Variants in LAMA2 observed in about 807,000 individuals in gnomAD.
The protein encoded by LAMA2 is laminin subunit alpha 2.
LAMA2 carries 269 observed loss-of-function variants against 364.8 expected under a neutral mutation model. The observed-to-expected ratio is 0.74, with a 90% CI of 0.67 to 0.82. The LOEUF (loss-of-function observed/expected upper bound fraction) is 0.82, where lower values mean the gene tolerates loss of function less well. Ranked by LOEUF, LAMA2 falls within the 40% of genes least tolerant of loss-of-function variation. The pLI is 0.00. For synonymous variants in LAMA2, 1,379 were observed against 1,370.6 expected (o/e 1.01, Z -0.14); for missense variants, 3,807 against 3,873.2 (o/e 0.98, Z 0.45).
Position 129,074,381 on chromosome 6 carries a change from G to A in LAMA2, c.396+14485G>A, listed in dbSNP as rs558759941. On this transcript the variant is annotated intron_variant, in intron 3 of 64. Coordinates refer to ENST00000421865, the MANE Select transcript of LAMA2 (RefSeq NM_000426.4). ...TGACTTCATAGCCCTGAATTCTAAT[G>A]TTTATCTTCTTATCCTGTGAGATTG... Among the ~76,000 whole-genome samples the A allele has an allele frequency of 2.6e-5, 4 of 152,280 alleles. No individual in the cohort carries two copies. In the South Asian group the frequency reaches 6.2e-4, roughly 24 times the overall value.
At chr6:129,015,798 G>C (rs1163725603) in intron 1 of LAMA2, among the ~76,000 whole-genome samples, 2 of 151,906 alleles carry the variant, frequency 1.3e-5, no homozygotes, top group African/African-American at 4.8e-5. Flanking sequence ...TTGCAAATGC[G>C]TGCATTTAAA....
At chr6:129,126,588 T>C (rs1409073151) in intron 4 of LAMA2, among the ~76,000 whole-genome samples, 1 of 152,174 alleles carries the variant, frequency 6.6e-6, no homozygotes, top group Admixed American at 6.5e-5. Context: ...AAAATAAGTG[T>C]CTTTCAAACT....
chr6:129,480,509 A>G (rs1784292878), intron 54 of LAMA2, among the ~76,000 whole-genome samples: 1 of 152,174 alleles, frequency 6.6e-6, no homozygotes, highest in South Asian at 2.1e-4. Flanking sequence ...ATTCATTTTA[A>G]ATACAGGGAG....
At chr6:129,423,786 A>C (rs1781195084) in intron 40 of LAMA2, among the ~76,000 whole-genome samples, 1 of 152,148 alleles carries the variant, frequency 6.6e-6, no homozygotes, top group South Asian at 2.1e-4. Flanking sequence ...CAAGAGATAT[A>C]CCATGTTCAT....
chr6:128,929,965 C>A (rs1779355390), intron 1 of LAMA2: 1 of 663,136 alleles, frequency 1.5e-6, no homozygotes. Flanking sequence ...ACTCCCTCAT[C>A]CTGCGGAGGC....
In LAMA2 at chr6:129,440,780, C is replaced by G. The variant is rs371420499; in HGVS notation, c.6086-36C>G. The G allele has an allele frequency of 9.4e-6, 15 of 1,595,088 alleles. No individual in the cohort carries two copies. In the African/African-American group the frequency reaches 2.0e-4, roughly 21 times the overall value. On this transcript the variant is annotated intron_variant, in intron 42 of 64. Coordinates refer to ENST00000421865, the MANE Select transcript of LAMA2 (RefSeq NM_000426.4). ...TGGATTAAGCCACTAACTCCACACC[C>G]TTTGTTTTGTTTTTCATACCCTCAT...
intron 1 of LAMA2, among the ~76,000 whole-genome samples, chr6:128,987,095 G>A (rs1005911360): frequency 3.5e-5 from 5 of 142,776 alleles, no homozygotes; most frequent in African/African-American, 5.0e-5. Context: ...CGTGTCTTTT[G>A]CTTTTTGTCA....
intron 1 of LAMA2, among the ~76,000 whole-genome samples, chr6:129,025,700 T>C (rs1288700080): frequency 2.6e-5 from 4 of 152,202 alleles, no homozygotes; most frequent in Non-Finnish European, 5.9e-5. Flanking sequence ...GGAAATTTCA[T>C]AGCTTCTTAG....
chr6:129,491,385 G>A (rs1784853823), intron 56 of LAMA2, among the ~76,000 whole-genome samples: 1 of 152,048 alleles, frequency 6.6e-6, no homozygotes, highest in Non-Finnish European at 1.5e-5. Flanking sequence ...CAATTAGCAG[G>A]GTGTCCTTGC....
intron 58 of LAMA2, among the ~76,000 whole-genome samples, chr6:129,494,585 TG>T (rs1785058657): frequency 6.6e-6 from 1 of 152,224 alleles, no homozygotes; most frequent in Admixed American, 6.5e-5. Flanking sequence ...CCCACCCTAT[TG>T]TTTTATTTAC....
At chr6:128,954,064 G>A (rs1193072836) in intron 1 of LAMA2, among the ~76,000 whole-genome samples, 2 of 152,102 alleles carry the variant, frequency 1.3e-5, no homozygotes, top group Non-Finnish European at 2.9e-5. Context: ...AAGATTGTTT[G>A]AAAGTAGACT....
chr6:129,275,918 CTAAT>C (rs1471763620), intron 17 of LAMA2, among the ~76,000 whole-genome samples: 2 of 151,808 alleles, frequency 1.3e-5, no homozygotes, highest in African/African-American at 2.4e-5. Flanking sequence ...TAAATCAAGT[CTAAT>C]TAAGAAATGC....
chr6:129,223,228 G>A (rs1784000992), intron 12 of LAMA2, among the ~76,000 whole-genome samples: 1 of 152,176 alleles, frequency 6.6e-6, no homozygotes, highest in Admixed American at 6.5e-5. Context: ...GTTCTTTGTA[G>A]ATTCTGGATA....
At chr6:129,184,974 A>C (rs1180117949) in intron 10 of LAMA2, among the ~76,000 whole-genome samples, 1 of 151,942 alleles carries the variant, frequency 6.6e-6, no homozygotes, top group Non-Finnish European at 1.5e-5. Context: ...AAATACTGCT[A>C]ATTAACTAAT....
intron 3 of LAMA2, among the ~76,000 whole-genome samples, chr6:129,083,344 C>T (rs540913481): frequency 9.2e-5 from 14 of 152,222 alleles, no homozygotes; most frequent in African/African-American, 3.1e-4. Context: ...GTAACATAAG[C>T]GAGACAGAAC....
intron 3 of LAMA2, among the ~76,000 whole-genome samples, chr6:129,075,420 A>G (rs1773572042): frequency 6.6e-6 from 1 of 152,222 alleles, no homozygotes; most frequent in African/African-American, 2.4e-5. Flanking sequence ...AGAAACCCGC[A>G]GTGGTATTTA....
chr6:129,335,181 C>T (rs535810380), intron 29 of LAMA2, among the ~76,000 whole-genome samples: 1 of 152,186 alleles, frequency 6.6e-6, no homozygotes, highest in South Asian at 2.1e-4. Flanking sequence ...TTGCTTCATC[C>T]TAGGCATTAA....
In LAMA2 at chr6:129,449,616, C is replaced by T. The variant is rs538345771; in HGVS notation, c.6430-3372C>T. Among the ~76,000 whole-genome samples, 17 of 152,078 alleles carry T rather than the reference C, an allele frequency of 1.1e-4. No individual in the cohort carries two copies. In the South Asian group the frequency reaches 1.3e-3, roughly 11 times the overall value. ...GCAGTTACTCTGTAGGATTAATTGC[C>T]GGCATATTGGGTATAACAACATCAT... On this transcript the variant is annotated intron_variant, in intron 45 of 64. Coordinates refer to ENST00000421865, the MANE Select transcript of LAMA2 (RefSeq NM_000426.4).
intron 50 of LAMA2, 50 bp downstream of exon 50, chr6:129,464,502 T>C: frequency 7.0e-7 from 1 of 1,425,336 alleles, no homozygotes; most frequent in Non-Finnish European, 9.9e-7. Context: ...TGCGTTTGCT[T>C]CTTTTATCAG....
Sources: gnomAD v4.1 joint callset for allele counts (sites outside exome capture counted in the v4.1 genomes callset) on GRCh38, gnomAD v4.1.1 for gene constraint, MANE v1.5 for transcripts, NCBI Gene and HGNC (gene_info 2026-07-23, HGNC 2026-07-21) for gene names.